PTPRM: variants seen among roughly 807,000 people sequenced by gnomAD.
PTPRM encodes receptor-type tyrosine-protein phosphatase mu.
A neutral mutation model predicts 186.7 loss-of-function variants in PTPRM; 47 were observed. The ratio of observed to expected loss-of-function variants is 0.25; its 90% CI spans 0.20 to 0.32. The LOEUF (loss-of-function observed/expected upper bound fraction) is 0.32, where lower values mean the gene tolerates loss of function less well. Among genes scored for constraint, PTPRM ranks in the 10% least tolerant of loss-of-function variants. The pLI is 1.00. For synonymous variants in PTPRM, 668 were observed against 674.9 expected, an observed-to-expected ratio of 0.99 and a Z score of 0.16; for missense variants, 1,494 against 1,865.0, an observed-to-expected ratio of 0.80 and a Z score of 3.66.
At chr18:8,343,956 T>C (rs961937819) in intron 23 of PTPRM, among the ~76,000 whole-genome samples, 5 of 152,210 alleles carry the variant, frequency 3.3e-5, no homozygotes, top group African/African-American at 1.2e-4. Context: ...TGGCCTTTCC[T>C]GTGTCTCAGT....
At chr18:8,141,003 C>T (rs1055130887) in intron 13 of PTPRM, among the ~76,000 whole-genome samples, 3 of 152,144 alleles carry the variant, frequency 2.0e-5, no homozygotes, top group African/African-American at 7.2e-5. Context: ...TCAAAAATAT[C>T]CCCTGTCCAA....
intron 1 of PTPRM, among the ~76,000 whole-genome samples, chr18:7,664,626 G>A (rs1331071025): frequency 8.5e-5 from 13 of 152,122 alleles, no homozygotes. Flanking sequence ...TTTCCTTGCA[G>A]CGTGGTGGCT....
intron 14 of PTPRM, among the ~76,000 whole-genome samples, chr18:8,178,726 G>T (rs1252099699): frequency 3.3e-5 from 5 of 152,156 alleles, no homozygotes; most frequent in African/African-American, 1.2e-4. Flanking sequence ...GGTGGAGGTT[G>T]CAGTGAGCCA....
intron 1 of PTPRM, among the ~76,000 whole-genome samples, chr18:7,684,696 A>G (rs1468854511): frequency 6.6e-6 from 1 of 152,222 alleles, no homozygotes; most frequent in Non-Finnish European, 1.5e-5. Context: ...TTAAAGGTGA[A>G]TAATAATACA....
intron 14 of PTPRM, among the ~76,000 whole-genome samples, chr18:8,210,970 C>T (rs2093995540): frequency 6.6e-6 from 1 of 152,202 alleles, no homozygotes; most frequent in African/African-American, 2.4e-5. Context: ...CTAAATGCTA[C>T]TGGCACATTA....
intron 14 of PTPRM, among the ~76,000 whole-genome samples, chr18:8,204,709 A>C (rs1243491476): frequency 6.6e-6 from 1 of 152,072 alleles, no homozygotes; most frequent in Non-Finnish European, 1.5e-5. Flanking sequence ...GATACAGAAA[A>C]TGACTGCATT....
chr18:7,657,364 G>A lies in PTPRM; in HGVS notation c.73+89473G>A, dbSNP rs541694470. ...CTGAGTTAGGACAGTCATTCCTCCC[G>A]AGGTGGCTTGTCCTTTCTGATGATA... On this transcript the variant is annotated intron_variant, in intron 1 of 32. Transcript: ENST00000580170. Among the ~76,000 whole-genome samples the A allele has an allele frequency of 1.1e-4, 17 of 152,280 alleles. No homozygotes were observed. The South Asian group carries it at 3.1e-3, about 28-fold the overall frequency.
At chr18:8,219,483 A>T (rs1222720923) in intron 14 of PTPRM, among the ~76,000 whole-genome samples, 2 of 151,364 alleles carry the variant, frequency 1.3e-5, no homozygotes, top group African/African-American at 2.4e-5. Context: ...AAAAAAACTT[A>T]TTCTGAGTCA....
intron 7 of PTPRM, among the ~76,000 whole-genome samples, chr18:8,030,227 A>C (rs557921708): frequency 4.6e-5 from 7 of 152,338 alleles, no homozygotes; most frequent in African/African-American, 1.7e-4. Flanking sequence ...ATAAAAGAAG[A>C]CACTTTTTGA....
intron 23 of PTPRM, among the ~76,000 whole-genome samples, chr18:8,358,093 A>G (rs2095573248): frequency 6.6e-6 from 1 of 152,056 alleles, no homozygotes; most frequent in African/African-American, 2.4e-5. Flanking sequence ...CATACACAAC[A>G]TATTTACACA....
At chr18:7,631,576 G>A (rs774030038) in intron 1 of PTPRM, among the ~76,000 whole-genome samples, 32 of 151,980 alleles carry the variant, frequency 2.1e-4, no homozygotes, top group African/African-American at 6.5e-4. Flanking sequence ...TCCAGCCCGC[G>A]GCCCAGGATG....
At chr18:7,877,407 C>G (rs2048299726) in intron 2 of PTPRM, among the ~76,000 whole-genome samples, 1 of 152,244 alleles carries the variant, frequency 6.6e-6, no homozygotes, top group Admixed American at 6.5e-5. Flanking sequence ...ATCGCATGAT[C>G]ATTGATACAC....
At chr18:8,131,552 AG>A (rs1466542852) in intron 13 of PTPRM, among the ~76,000 whole-genome samples, 1 of 152,142 alleles carries the variant, frequency 6.6e-6, no homozygotes, top group Non-Finnish European at 1.5e-5. Context: ...TGGCCATTTG[AG>A]GTTCCTTTGT....
At chr18:8,289,535 C>CAT (rs2095007020) in intron 19 of PTPRM, among the ~76,000 whole-genome samples, 1 of 65,008 alleles carries the variant, frequency 1.5e-5, no homozygotes, top group South Asian at 4.7e-4. Flanking sequence ...CATATATATA[C>CAT]ACATATATAT....
intron 19 of PTPRM, among the ~76,000 whole-genome samples, chr18:8,275,458 G>T (rs529993900): frequency 6.6e-5 from 10 of 151,818 alleles, no homozygotes; most frequent in African/African-American, 9.7e-5. Flanking sequence ...GAAAAGAAAA[G>T]ACTTCAATGG....
At chr18:7,631,300 T>G (rs937333463) in intron 1 of PTPRM, among the ~76,000 whole-genome samples, 1 of 152,168 alleles carries the variant, frequency 6.6e-6, no homozygotes, top group African/African-American at 2.4e-5. Context: ...CCTGTGCTAA[T>G]TTCTTTTTTG....
intron 21 of PTPRM, 54 bp downstream of exon 21, chr18:8,314,911 C>A (rs2095297287): frequency 1.7e-6 from 2 of 1,209,176 alleles, no homozygotes; most frequent in Non-Finnish European, 1.2e-6. Context: ...TATTTGGGTG[C>A]TATGTATGAT....
chr18:7,883,059 C>A (rs1227363025), intron 2 of PTPRM, among the ~76,000 whole-genome samples: 1 of 152,196 alleles, frequency 6.6e-6, no homozygotes, highest in Non-Finnish European at 1.5e-5. Flanking sequence ...TAAAGGCTGT[C>A]CCTTTTTGAA....
At chr18:7,884,266 G>A (rs574027870) in intron 2 of PTPRM, among the ~76,000 whole-genome samples, 1 of 152,152 alleles carries the variant, frequency 6.6e-6, no homozygotes, top group Non-Finnish European at 1.5e-5. Context: ...GCTTTGTCCC[G>A]CTTGCCTTGT....
Sources: allele counts gnomAD v4.1 joint callset (sites outside exome capture counted in the v4.1 genomes callset), GRCh38; gene constraint gnomAD v4.1.1; transcripts MANE v1.5; gene names NCBI Gene and HGNC (gene_info 2026-07-23, HGNC 2026-07-21).